ZBBX: variants seen among roughly 807,000 people sequenced by gnomAD.
ZBBX encodes zinc finger B-box domain-containing protein 1.
Under a neutral mutation model 108.5 loss-of-function variants are expected in ZBBX, and 101 were observed. That is an observed-to-expected ratio of 0.93 (90% CI 0.79 to 1.10). The LOEUF is 1.10. ZBBX is among the 50% of genes least tolerant of loss of function. ZBBX has a pLI of 0.00. For missense variants in ZBBX, 1,009 were observed against 941.4 expected, an observed-to-expected ratio of 1.07 and a Z score of -0.94; for synonymous variants, 356 against 323.4, an observed-to-expected ratio of 1.10 and a Z score of -1.08.
At chr3:167,238,553 A>G (rs1720325327), downstream of ZBBX, among the ~76,000 whole-genome samples, 1 of 152,048 alleles carries the variant, frequency 6.6e-6, no homozygotes, top group Non-Finnish European at 1.5e-5. Flanking sequence ...TGCCACAGAA[A>G]AAGTATCAAA....
chr3:167,277,849 G>A (rs1354859632), intron 20 of ZBBX, among the ~76,000 whole-genome samples: 1 of 152,112 alleles, frequency 6.6e-6, no homozygotes, highest in Non-Finnish European at 1.5e-5. Context: ...ATACTTGGAA[G>A]TAAAGCTCTC....
chr3:167,370,816 A>G (rs1746048301), intron 4 of ZBBX, among the ~76,000 whole-genome samples: 1 of 152,216 alleles, frequency 6.6e-6, no homozygotes, highest in Non-Finnish European at 1.5e-5. Context: ...TGATAAGTTC[A>G]GCAAAAATAT....
chr3:167,399,230 A>G (rs187560852), intron 1 of ZBBX, among the ~76,000 whole-genome samples: 1 of 151,954 alleles, frequency 6.6e-6, no homozygotes, highest in African/African-American at 2.4e-5. Context: ...CACAATAACA[A>G]CTCCCATTTA....
chr3:167,292,900 C>G (rs1232072228), intron 18 of ZBBX, among the ~76,000 whole-genome samples: 1 of 152,132 alleles, frequency 6.6e-6, no homozygotes, highest in Non-Finnish European at 1.5e-5. Context: ...TACAAACTAC[C>G]ATCAGAGAAT....
At chr3:167,352,784 A>C (rs10936533) in intron 8 of ZBBX, among the ~76,000 whole-genome samples, 125,552 of 151,706 alleles carry the variant, frequency 0.83, 52,101 homozygotes, top group East Asian at 0.96. Context: ...ACTCCATAAT[A>C]AAGTGGGTTT....
intron 6 of ZBBX, among the ~76,000 whole-genome samples, chr3:167,365,073 TAA>T (rs1401556694): frequency 1.3e-5 from 2 of 151,868 alleles, no homozygotes; most frequent in South Asian, 2.1e-4. Flanking sequence ...TCTAGTGAGA[TAA>T]GTTTTTTTTA....
intron 9 of ZBBX, 123 bp from the exon 10 acceptor site, chr3:167,334,108 TA>T (rs1048718403): frequency 1.4e-6 from 1 of 708,310 alleles, no homozygotes; most frequent in African/African-American, 1.8e-5. Context: ...ATTTAATATT[TA>T]AAAAGACAAA....
chr3:167,248,747 C>T (rs544176505), intron 20 of ZBBX: 7 of 429,328 alleles, frequency 1.6e-5, no homozygotes, highest in East Asian at 7.1e-5. Flanking sequence ...CCCCACCTCA[C>T]GGAAGGAGGC....
chr3:167,217,335 A>T, the ZBBX span, among the ~76,000 whole-genome samples: 1 of 152,198 alleles, frequency 6.6e-6, no homozygotes, highest in African/African-American at 2.4e-5. Context: ...AAAGGAAGAC[A>T]TACATGAAAG....
chr3:167,230,420 G>C, the ZBBX span, among the ~76,000 whole-genome samples: 1 of 151,708 alleles, frequency 6.6e-6, no homozygotes, highest in Non-Finnish European at 1.5e-5. Flanking sequence ...GTAAAAAGGT[G>C]AACAAATACT....
At chr3:167,283,170 C>A (rs955301665) in intron 19 of ZBBX, among the ~76,000 whole-genome samples, 7 of 152,124 alleles carry the variant, frequency 4.6e-5, no homozygotes, top group Admixed American at 3.9e-4. Context: ...TTTGTCTTCA[C>A]CTGTTTTGAA....
At chr3:167,205,757 C>A in the ZBBX span, among the ~76,000 whole-genome samples, 1 of 152,024 alleles carries the variant, frequency 6.6e-6, no homozygotes, top group African/African-American at 2.4e-5. Context: ...ATTGGTGGAA[C>A]CAGGATTCAA....
intron 20 of ZBBX, chr3:167,252,204 G>A: frequency 7.8e-7 from 1 of 1,289,178 alleles, no homozygotes; most frequent in African/African-American, 1.5e-5. Context: ...AGAAGAAGTG[G>A]ATGCATCCTA....
chr3:167,344,094 T>C (rs1427757912), intron 9 of ZBBX, among the ~76,000 whole-genome samples: 1 of 151,854 alleles, frequency 6.6e-6, no homozygotes, highest in African/African-American at 2.4e-5. Flanking sequence ...GAAAACGTTA[T>C]GCAAGTAAAA....
chr3:167,355,373 C>T (rs910711980), intron 8 of ZBBX, among the ~76,000 whole-genome samples: 3 of 151,810 alleles, frequency 2.0e-5, no homozygotes, highest in Non-Finnish European at 4.4e-5. Flanking sequence ...TCCGTAGTAA[C>T]CTATTTCACA....
chr3:167,307,339 G>C (rs1355934050), intron 16 of ZBBX, among the ~76,000 whole-genome samples: 2 of 152,260 alleles, frequency 1.3e-5, no homozygotes, highest in East Asian at 3.9e-4. Flanking sequence ...AACTATCTCT[G>C]TTTGCAGACT....
At chr3:167,252,074 T>C (rs1576779075) in intron 20 of ZBBX, 6 of 1,131,824 alleles carry the variant, frequency 5.3e-6, no homozygotes, top group East Asian at 1.2e-4. Flanking sequence ...ACTTCTAGAA[T>C]GGCAGTCTGA....
At chr3:167,236,853 T>A (rs933423755), downstream of ZBBX, among the ~76,000 whole-genome samples, 1 of 151,738 alleles carries the variant, frequency 6.6e-6, no homozygotes, top group Non-Finnish European at 1.5e-5. Flanking sequence ...TTAATAATTA[T>A]AAGTTTTATG....
chr3:167,326,694 A>T (rs1441750602), intron 11 of ZBBX, among the ~76,000 whole-genome samples: 1 of 152,142 alleles, frequency 6.6e-6, no homozygotes, highest in African/African-American at 2.4e-5. Flanking sequence ...TGAGGTGTAT[A>T]CTGAGATATA....
Sources: allele counts gnomAD v4.1 joint callset (sites outside exome capture counted in the v4.1 genomes callset), GRCh38; gene constraint gnomAD v4.1.1; transcripts MANE v1.5; gene names NCBI Gene and HGNC (gene_info 2026-07-23, HGNC 2026-07-21).